The following DLG2 variants were observed in gnomAD, a reference collection of about 807,000 sequenced individuals.
The protein encoded by DLG2 is disks large homolog 2.
DLG2 carries 45 observed loss-of-function variants against 132.5 expected under a neutral mutation model. That is an observed-to-expected ratio of 0.34 (90% confidence interval 0.27 to 0.44). The LOEUF is 0.44. Ranked by LOEUF, DLG2 falls within the 20% of genes least tolerant of loss-of-function variation. DLG2 has a pLI of 1.00. For missense variants in DLG2, 1,045 were observed against 1,196.9 expected (o/e 0.87, Z 1.87); for synonymous variants, 424 against 419.6 (o/e 1.01, Z -0.13).
intron 7 of DLG2, among the ~76,000 whole-genome samples, chr11:84,299,290 G>A (rs1326949441): frequency 1.3e-5 from 2 of 152,178 alleles, no homozygotes; most frequent in Non-Finnish European, 2.9e-5. Context: ...ATAGAACTGA[G>A]TGTTAAGATA....
At chr11:85,142,316 GT>G (rs1323755011) in intron 5 of DLG2, among the ~76,000 whole-genome samples, 1 of 151,674 alleles carries the variant, frequency 6.6e-6, no homozygotes, top group East Asian at 1.9e-4. Flanking sequence ...TTTATTTGTA[GT>G]TATTGTAAAT....
At chr11:85,467,149 C>T (rs908139802) in intron 3 of DLG2, among the ~76,000 whole-genome samples, 1 of 152,040 alleles carries the variant, frequency 6.6e-6, no homozygotes, top group Non-Finnish European at 1.5e-5. Context: ...GTGATTTTTG[C>T]AATTGATTTT....
intron 10 of DLG2, among the ~76,000 whole-genome samples, chr11:84,084,788 C>T (rs1360876735): frequency 1.3e-5 from 2 of 151,952 alleles, no homozygotes; most frequent in East Asian, 3.9e-4. Context: ...AAAGAGAATC[C>T]CTCACCATTG....
intron 19 of DLG2, among the ~76,000 whole-genome samples, chr11:83,559,432 A>G (rs1171237088): frequency 6.6e-6 from 1 of 152,160 alleles, no homozygotes; most frequent in Non-Finnish European, 1.5e-5. Context: ...ATGAGATTCA[A>G]TGAAGGTACT....
At chr11:84,803,561 C>T (rs2075666526) in intron 6 of DLG2, among the ~76,000 whole-genome samples, 1 of 152,190 alleles carries the variant, frequency 6.6e-6, no homozygotes, top group Non-Finnish European at 1.5e-5. Flanking sequence ...AGGGTTCTAA[C>T]ATTTTACACC....
At chr11:84,594,196 A>T in intron 6 of DLG2, among the ~76,000 whole-genome samples, 1 of 152,186 alleles carries the variant, frequency 6.6e-6, no homozygotes, top group East Asian at 1.9e-4. Context: ...ATGCTGTAAC[A>T]AGCAATGATC....
chr11:84,632,885 AT>A (rs1414393178), intron 6 of DLG2, among the ~76,000 whole-genome samples: 2 of 152,190 alleles, frequency 1.3e-5, no homozygotes. Context: ...TCTTTGGGTA[AT>A]AAGGGTCTTT....
intron 6 of DLG2, among the ~76,000 whole-genome samples, chr11:85,062,491 A>C (rs550046763): frequency 1.3e-5 from 2 of 151,648 alleles, no homozygotes; most frequent in Non-Finnish European, 2.9e-5. Context: ...AAATGCAAAC[A>C]TTGTGTTAAA....
intron 6 of DLG2, among the ~76,000 whole-genome samples, chr11:85,028,283 C>G (rs1475845463): frequency 6.6e-6 from 1 of 152,052 alleles, no homozygotes; most frequent in African/African-American, 2.4e-5. Context: ...GAAGTGTGTG[C>G]GGATTGGTCC....
At chr11:83,656,650 A>G (rs1481069923) in intron 18 of DLG2, among the ~76,000 whole-genome samples, 1 of 152,192 alleles carries the variant, frequency 6.6e-6, no homozygotes, top group Non-Finnish European at 1.5e-5. Flanking sequence ...TTCTTCAAGA[A>G]AAGTCATTTC....
At chr11:85,065,885 G>A (rs548377652) in intron 6 of DLG2, among the ~76,000 whole-genome samples, 2 of 151,262 alleles carry the variant, frequency 1.3e-5, no homozygotes, top group African/African-American at 4.8e-5. Flanking sequence ...TCAAATTAAC[G>A]ATTTAACATC....
At chr11:84,243,541 C>T (rs536090799) in intron 8 of DLG2, among the ~76,000 whole-genome samples, 4 of 152,266 alleles carry the variant, frequency 2.6e-5, no homozygotes, top group African/African-American at 9.6e-5. Context: ...TCTTATTGAG[C>T]AGTGTTTCTC....
At chr11:83,826,425 T>C (rs2052808064) in intron 17 of DLG2, among the ~76,000 whole-genome samples, 1 of 152,070 alleles carries the variant, frequency 6.6e-6, no homozygotes, top group African/African-American at 2.4e-5. Flanking sequence ...GGAAGAAAGA[T>C]CCAGTAAGGT....
intron 8 of DLG2, among the ~76,000 whole-genome samples, chr11:84,237,141 G>C (rs1012336850): frequency 6.6e-6 from 1 of 151,954 alleles, no homozygotes; most frequent in African/African-American, 2.4e-5. Flanking sequence ...TGTTGTCCAC[G>C]ATGGTCTCCA....
At chr11:83,841,422 T>C (rs1343580385) in intron 16 of DLG2, among the ~76,000 whole-genome samples, 1 of 152,224 alleles carries the variant, frequency 6.6e-6, no homozygotes, top group Admixed American at 6.5e-5. Flanking sequence ...TGAAATTAGC[T>C]CAGGGATTGT....
chr11:84,442,940 T>G (rs568903303), intron 7 of DLG2, among the ~76,000 whole-genome samples: 1 of 152,026 alleles, frequency 6.6e-6, no homozygotes, highest in Non-Finnish European at 1.5e-5. Flanking sequence ...TAGGAAAAAA[T>G]TGTCACTATG....
intron 8 of DLG2, among the ~76,000 whole-genome samples, chr11:84,233,345 G>A (rs895509113): frequency 1.3e-5 from 2 of 152,096 alleles, no homozygotes; most frequent in African/African-American, 2.4e-5. Context: ...CTAGCAAAAC[G>A]CAGCCCAAGA....
At chr11:84,961,088 A>G (rs528815988) in intron 6 of DLG2, among the ~76,000 whole-genome samples, 129 of 151,984 alleles carry the variant, frequency 8.5e-4, no homozygotes, top group African/African-American at 3.1e-3. Context: ...CAGTGTGGGG[A>G]GTAGGCTCAC....
At chr11:85,456,310 T>G (rs1461994993) in intron 3 of DLG2, among the ~76,000 whole-genome samples, 1 of 152,194 alleles carries the variant, frequency 6.6e-6, no homozygotes, top group Admixed American at 6.5e-5. Context: ...TTGGTGGTAA[T>G]GTCCCCTTTG....
Sources: gnomAD v4.1 joint callset for allele counts (sites outside exome capture counted in the v4.1 genomes callset) on GRCh38, gnomAD v4.1.1 for gene constraint, MANE v1.5 for transcripts, NCBI Gene and HGNC (gene_info 2026-07-23, HGNC 2026-07-21) for gene names.